KCNIP1: variants seen among roughly 807,000 people sequenced by gnomAD.
The protein encoded by KCNIP1 is A-type potassium channel modulatory protein KCNIP1.
KCNIP1 carries 18 observed loss-of-function variants against 33.0 expected under a neutral mutation model. The observed-to-expected ratio is 0.55, with a 90% CI of 0.38 to 0.81. KCNIP1 has a LOEUF of 0.81. KCNIP1 is among the 30% of genes least tolerant of loss of function. The pLI is 0.00. For synonymous variants in KCNIP1, 93 were observed against 98.3 expected (o/e 0.95, Z 0.32); for missense variants, 238 against 271.6 (o/e 0.88, Z 0.87).
intron 1 of KCNIP1, among the ~76,000 whole-genome samples, chr5:170,648,049 G>A (rs1296495880): frequency 6.6e-6 from 1 of 152,168 alleles, no homozygotes; most frequent in Non-Finnish European, 1.5e-5. Context: ...TGTCATTAGG[G>A]AATTGCTAAT....
chr5:170,546,410 A>G (rs1302889324), intron 1 of KCNIP1, among the ~76,000 whole-genome samples: 1 of 152,210 alleles, frequency 6.6e-6, no homozygotes, highest in African/African-American at 2.4e-5. Flanking sequence ...GTTAAAGCCA[A>G]CAGTCACTTG....
Position 170,673,453 on chromosome 5 carries a change from A to G in KCNIP1, c.62-45305A>G, listed in dbSNP as rs145648410. On this transcript the variant is annotated intron_variant, in intron 1 of 7. Transcript: ENST00000328939. ...CACAACGATACAGTGACGTAGGTCT[A>G]CCATGGTTCCTGTTTCACAGATGAG... Among the ~76,000 whole-genome samples, 172 of 152,356 alleles carry G rather than the reference A, an allele frequency of 1.1e-3. 1 individual carries two copies. The highest frequency in any genetic ancestry group is 4.0e-3 in the African/African-American group (165 of 41,584).
chr5:170,449,472 A>C (rs779320939), intron 1 of KCNIP1, among the ~76,000 whole-genome samples: 14 of 152,322 alleles, frequency 9.2e-5, no homozygotes, highest in Non-Finnish European at 1.6e-4. Flanking sequence ...AGGAGTCCAG[A>C]GGAAAATCGG....
At chr5:170,498,026 C>T (rs1031886766) in intron 1 of KCNIP1, among the ~76,000 whole-genome samples, 7 of 152,254 alleles carry the variant, frequency 4.6e-5, no homozygotes, top group African/African-American at 1.7e-4. Context: ...ACATGATCAA[C>T]CGGGACAGAT....
At chr5:170,466,113 G>A (rs1465731112) in intron 1 of KCNIP1, among the ~76,000 whole-genome samples, 1 of 152,162 alleles carries the variant, frequency 6.6e-6, no homozygotes, top group East Asian at 1.9e-4. Flanking sequence ...GAAGACAAGT[G>A]GGGAGGTTTA....
intron 5 of KCNIP1, among the ~76,000 whole-genome samples, chr5:170,731,872 C>CAAAAAAAAAAAAAAAAAAAAAAAAAAA: frequency 5.9e-5 from 1 of 16,900 alleles, no homozygotes; most frequent in Non-Finnish European, 1.2e-4. Context: ...GACTCCGTCT[C>CAAAAAAAAAAAAAAAAAAAAAAAAAAA]AAAAAAAAAA....
chr5:170,642,017 G>A (rs559221269), intron 1 of KCNIP1: 1 of 152,216 alleles, frequency 6.6e-6, no homozygotes, highest in Non-Finnish European at 1.5e-5. Flanking sequence ...TCACATCAAG[G>A]TTTCAGCCAG....
chr5:170,438,705 T>A (rs1020753660), intron 1 of KCNIP1, among the ~76,000 whole-genome samples: 8 of 152,082 alleles, frequency 5.3e-5, no homozygotes, highest in African/African-American at 1.9e-4. Flanking sequence ...GTGCTCTTTC[T>A]CACCCCCAAG....
At chr5:170,706,144 A>G (rs533148573) in intron 1 of KCNIP1, among the ~76,000 whole-genome samples, 23 of 152,276 alleles carry the variant, frequency 1.5e-4, no homozygotes, top group African/African-American at 5.5e-4. Context: ...AGCTTCCATT[A>G]TGTTCCTATT....
At chr5:170,376,335 T>C (rs1362577077) in intron 1 of KCNIP1, 2 of 151,930 alleles carry the variant, frequency 1.3e-5, no homozygotes, top group Non-Finnish European at 2.9e-5. Flanking sequence ...TATGATTTTT[T>C]CTATTTTTTA....
intron 1 of KCNIP1, among the ~76,000 whole-genome samples, chr5:170,565,767 T>C (rs756007726): frequency 9.2e-5 from 14 of 152,216 alleles, no homozygotes; most frequent in Non-Finnish European, 1.8e-4. Context: ...TTGACCTCAG[T>C]TATTCATCTG....
chr5:170,637,677 T>C (rs1760343081), intron 1 of KCNIP1, among the ~76,000 whole-genome samples: 1 of 152,106 alleles, frequency 6.6e-6, no homozygotes, highest in South Asian at 2.1e-4. Flanking sequence ...TAGTGAGGCT[T>C]TCCTGGCCGC....
At chr5:170,628,076 T>C (rs1436149224) in intron 1 of KCNIP1, among the ~76,000 whole-genome samples, 1 of 152,208 alleles carries the variant, frequency 6.6e-6, no homozygotes. Context: ...TTCCCGCCTC[T>C]GGGAATTCAG....
intron 1 of KCNIP1, among the ~76,000 whole-genome samples, chr5:170,641,762 G>A (rs781759571): frequency 2.0e-5 from 3 of 152,188 alleles, no homozygotes; most frequent in Admixed American, 6.5e-5. Flanking sequence ...ATCTCCCCAC[G>A]ATCTACGACA....
intron 1 of KCNIP1, among the ~76,000 whole-genome samples, chr5:170,517,663 T>C (rs1755183924): frequency 7.9e-6 from 1 of 126,126 alleles, no homozygotes; most frequent in Non-Finnish European, 1.8e-5. Flanking sequence ...GGTGGTATGG[T>C]GGTGGTGGTG....
chr5:170,512,687 T>C (rs1266799992), intron 1 of KCNIP1, among the ~76,000 whole-genome samples: 1 of 152,228 alleles, frequency 6.6e-6, no homozygotes, highest in Non-Finnish European at 1.5e-5. Flanking sequence ...TGTTACTATC[T>C]GGGTCTACTC....
intron 1 of KCNIP1, among the ~76,000 whole-genome samples, chr5:170,440,935 C>CA (rs1755973649): frequency 6.6e-6 from 1 of 152,172 alleles, no homozygotes; most frequent in Admixed American, 6.5e-5. Flanking sequence ...TTCTCTCCCC[C>CA]TGGCCCAATG....
In KCNIP1 at chr5:170,591,436, T is replaced by C. The variant is rs142400965; in HGVS notation, c.61+86803T>C. ...GATCTCCCAGTTCGTTTTTTAAAAA[T>C]TGTGGTAAAATATATGTAACAGAAA... is the stretch of plus-strand genomic sequence containing the variant. On this transcript the variant is annotated intron_variant, in intron 1 of 7. Transcript: ENST00000328939. 7.9e-3 allele frequency among the ~76,000 whole-genome samples: 1,200 copies of C among 152,302 alleles called. 7 individuals are homozygous for C. Among genetic ancestry groups the C allele is most frequent in the Middle Eastern group, 0.017 (5 of 294 alleles).
At chr5:170,419,458 GATTTGAATATAA>G (rs1039883151) in intron 1 of KCNIP1, among the ~76,000 whole-genome samples, 34 of 152,308 alleles carry the variant, frequency 2.2e-4, no homozygotes, top group African/African-American at 7.7e-4. Context: ...TAGAACTCTG[GATTTGAATATAA>G]TTCTAAAATA....
Sources: allele counts gnomAD v4.1 joint callset (sites outside exome capture counted in the v4.1 genomes callset), GRCh38; gene constraint gnomAD v4.1.1; transcripts MANE v1.5; gene names NCBI Gene and HGNC (gene_info 2026-07-23, HGNC 2026-07-21).